The following ATP10A variants were observed in gnomAD, a reference collection of about 807,000 sequenced individuals.
ATP10A encodes the protein ATPase phospholipid transporting 10A (putative).
Under a neutral mutation model 147.8 loss-of-function variants are expected in ATP10A, and 111 were observed. The ratio of observed to expected loss-of-function variants is 0.75; its 90% confidence interval spans 0.64 to 0.88. The LOEUF is 0.88. Among genes scored for constraint, ATP10A ranks in the 40% least tolerant of loss-of-function variants. The pLI, the probability that ATP10A is intolerant of heterozygous loss-of-function variation, is 0.00. For synonymous variants in ATP10A, 875 were observed against 841.6 expected (o/e 1.04, Z -0.69); for missense variants, 1,927 against 1,959.0 (o/e 0.98, Z 0.31).
intron 2 of ATP10A, among the ~76,000 whole-genome samples, chr15:25,749,917 C>T (rs1006473964): frequency 6.6e-6 from 1 of 151,922 alleles, no homozygotes; most frequent in Admixed American, 6.6e-5. Flanking sequence ...GTAACCAAAA[C>T]TATCCAAACG....
intron 12 of ATP10A, among the ~76,000 whole-genome samples, chr15:25,703,250 C>G (rs556726692): frequency 1.3e-5 from 2 of 152,180 alleles, no homozygotes; most frequent in East Asian, 3.9e-4. Context: ...CCCAGCTGCT[C>G]GGGAGGTTGA....
At chr15:25,824,551 T>TTG (rs1422557841) in intron 1 of ATP10A, among the ~76,000 whole-genome samples, 1 of 12,630 alleles carries the variant, frequency 7.9e-5, no homozygotes, top group African/African-American at 9.0e-5. Context: ...TTCTCACTTT[T>TTG]TGTGTGTGTT....
At chr15:25,689,005 C>T (rs1899859404) in intron 15 of ATP10A, among the ~76,000 whole-genome samples, 1 of 152,212 alleles carries the variant, frequency 6.6e-6, no homozygotes. Context: ...TCCACAGAAT[C>T]AGTCTGAAAA....
chr15:25,783,013 A>G (rs555627191), intron 1 of ATP10A, among the ~76,000 whole-genome samples: 172 of 152,020 alleles, frequency 1.1e-3, no homozygotes, highest in African/African-American at 4.0e-3. Flanking sequence ...TCTAAAAAAA[A>G]ATTAAAAAAA....
intron 7 of ATP10A, among the ~76,000 whole-genome samples, chr15:25,719,260 C>T (rs1902056030): frequency 6.6e-6 from 1 of 152,162 alleles, no homozygotes; most frequent in South Asian, 2.1e-4. Flanking sequence ...ATGGAGCCGG[C>T]CAGCCGCGTG....
chr15:25,848,825 C>T (rs1270110431), intron 1 of ATP10A: 3 of 153,654 alleles, frequency 2.0e-5, no homozygotes, highest in Non-Finnish European at 4.4e-5. Context: ...TTTCATTCCC[C>T]TTTCTCATGG....
chr15:25,831,105 C>T (rs1200016672), intron 1 of ATP10A, among the ~76,000 whole-genome samples: 1 of 152,224 alleles, frequency 6.6e-6, no homozygotes, highest in South Asian at 2.1e-4. Flanking sequence ...ATGCCCTGCC[C>T]GCTCCTCAGC....
chr15:25,855,789 T>G (rs551721815), intron 1 of ATP10A, among the ~76,000 whole-genome samples: 1 of 152,120 alleles, frequency 6.6e-6, no homozygotes, highest in East Asian at 1.9e-4. Context: ...TGGTTCTATA[T>G]GGAAAAGACT....
intron 1 of ATP10A, among the ~76,000 whole-genome samples, chr15:25,807,076 A>G (rs12441452): frequency 0.54 from 81,846 of 152,086 alleles, 23,325 homozygotes; most frequent in East Asian, 0.8. Flanking sequence ...GCACAAGCGC[A>G]AGGAGTGAGA....
intron 1 of ATP10A, among the ~76,000 whole-genome samples, chr15:25,844,639 C>A (rs1468318335): frequency 6.6e-6 from 1 of 152,174 alleles, no homozygotes; most frequent in Non-Finnish European, 1.5e-5. Context: ...GCCCCATGCA[C>A]CCTGAGTGGC....
intron 3 of ATP10A, among the ~76,000 whole-genome samples, chr15:25,733,822 A>G (rs1215902585): frequency 6.6e-6 from 1 of 152,202 alleles, no homozygotes; most frequent in African/African-American, 2.4e-5. Context: ...GCAGGAAAGG[A>G]TTTCATGCTG....
At chr15:25,744,525 G>A in intron 2 of ATP10A, among the ~76,000 whole-genome samples, 1 of 152,196 alleles carries the variant, frequency 6.6e-6, no homozygotes, top group Non-Finnish European at 1.5e-5. Context: ...AATAGGAACA[G>A]ATCCACAGGA....
intron 7 of ATP10A, among the ~76,000 whole-genome samples, chr15:25,719,555 GC>G (rs1162195380): frequency 2.6e-5 from 4 of 151,900 alleles, no homozygotes; most frequent in African/African-American, 7.3e-5. Flanking sequence ...AAGTGGACTG[GC>G]CCATCCCACC....
intron 1 of ATP10A, among the ~76,000 whole-genome samples, chr15:25,801,355 G>A (rs1246352125): frequency 6.6e-6 from 1 of 152,180 alleles, no homozygotes; most frequent in Non-Finnish European, 1.5e-5. Flanking sequence ...CACTGCACCA[G>A]CACTTAAGAG....
intron 1 of ATP10A, among the ~76,000 whole-genome samples, chr15:25,793,841 C>T (rs1335769380): frequency 6.6e-6 from 1 of 152,180 alleles, no homozygotes; most frequent in Non-Finnish European, 1.5e-5. Context: ...ACTGGAGGCC[C>T]CCAGACCTCT....
Position 25,740,172 on chromosome 15 carries a change from A to C in ATP10A, c.655-4031T>G, listed in dbSNP as rs570855998. On this transcript the variant is annotated intron_variant, in intron 2 of 20. Transcript: ENST00000555815. ...TGCTACTAAGTACTCAACAAAAGCA[A>C]ATACAGATGTCCTCCATCTTGAAAC... is the stretch of plus-strand genomic sequence containing the variant. Among the ~76,000 whole-genome samples the C allele has an allele frequency of 1.5e-3, 221 of 152,370 alleles. 1 individual carries two copies. Among genetic ancestry groups the C allele is most frequent in the African/African-American group, 5.2e-3 (216 of 41,590 alleles).
intron 15 of ATP10A, among the ~76,000 whole-genome samples, chr15:25,690,762 C>T (rs983578190): frequency 6.6e-6 from 1 of 152,210 alleles, no homozygotes; most frequent in Non-Finnish European, 1.5e-5. Flanking sequence ...CCACACTGGG[C>T]ACTGTGAAGA....
At chr15:25,784,547 C>A (rs1027755754) in intron 1 of ATP10A, among the ~76,000 whole-genome samples, 2 of 152,270 alleles carry the variant, frequency 1.3e-5, no homozygotes, top group East Asian at 3.9e-4. Context: ...GGGGGTGCCA[C>A]GTGCAGACCT....
intron 1 of ATP10A, among the ~76,000 whole-genome samples, chr15:25,809,064 G>T (rs901963060): frequency 2.6e-5 from 4 of 152,156 alleles, no homozygotes; most frequent in Non-Finnish European, 5.9e-5. Flanking sequence ...TTGGGAGAGG[G>T]GACATGATGC....
Sources: allele counts gnomAD v4.1 joint callset (sites outside exome capture counted in the v4.1 genomes callset), GRCh38; gene constraint gnomAD v4.1.1; transcripts MANE v1.5; gene names NCBI Gene and HGNC (gene_info 2026-07-23, HGNC 2026-07-21).